PSCA: variants seen among roughly 807,000 people sequenced by gnomAD.
PSCA encodes the protein prostate stem cell antigen.
PSCA carries 7 observed loss-of-function variants against 7.9 expected under a neutral mutation model. The ratio of observed to expected loss-of-function variants is 0.89; its 90% confidence interval spans 0.51 to 1.67. The LOEUF (loss-of-function observed/expected upper bound fraction) is 1.67. Among genes scored for constraint, PSCA ranks in the 40% most tolerant of loss-of-function variants. The pLI is 0.00. For missense variants in PSCA, 151 were observed against 147.9 expected, an observed-to-expected ratio of 1.02 and a Z score of -0.11; for synonymous variants, 61 against 68.3, an observed-to-expected ratio of 0.89 and a Z score of 0.53.
Position 142,682,029 on chromosome 8 carries a change from A to T in PSCA, c.242A>T (p.Asp81Val), listed in dbSNP as rs587742470. Residue 81 changes from aspartate (D) to valine (V), a missense_variant, in exon 3 of 3, where the codon GAC becomes GTC. By Grantham distance (152) the Asp-to-Val change is radical. Coordinates refer to ENST00000301258, the MANE Select transcript of PSCA (RefSeq NM_005672.5). ...GKKNITCCDT[D>V]LCNASGAHAL... Reference sequence around the variant, plus strand: ...AAGAACATCACGTGCTGTGACACCGACTTGTGCAACGCCAGCGGGGCCCAT... The same window carrying T: ...AAGAACATCACGTGCTGTGACACCGTCTTGTGCAACGCCAGCGGGGCCCAT... 6.2e-7 allele frequency: 1 copy of T among 1,613,084 alleles called. No individual in the cohort carries two copies. Among genetic ancestry groups the T allele is most frequent in the African/African-American group, 1.3e-5 (1 of 75,050 alleles).
At chr8:142,678,373 C>T (rs973521946), upstream of PSCA, among the ~76,000 whole-genome samples, 5 of 152,188 alleles carry the variant, frequency 3.3e-5, no homozygotes, top group Admixed American at 1.3e-4. Flanking sequence ...TACCAGCTTC[C>T]GGCAGGAACA....
chr8:142,680,518 G>C lies in PSCA; in HGVS notation c.-21G>C. The C allele has an allele frequency of 6.4e-7, 1 of 1,553,400 alleles. No homozygotes were observed. The highest frequency in any genetic ancestry group is 8.7e-7 in the Non-Finnish European group (1 of 1,147,940). ...CCACAGCCCACCAGTGACCACGAAG[G>C]CTGTGCTGCTTGCCCTGTTGATGGC... On this transcript the variant is annotated 5_prime_UTR_variant, in exon 1 of 3. Coordinates refer to ENST00000301258, the MANE Select transcript of PSCA (RefSeq NM_005672.5).
chr8:142,674,477 AGTG>A (rs1847374190), intron 1 of PSCA, among the ~76,000 whole-genome samples: 1 of 152,254 alleles, frequency 6.6e-6, no homozygotes, highest in South Asian at 2.1e-4. Flanking sequence ...TTCCTCATGC[AGTG>A]GTGGCCTTTC....
At chr8:142,681,816 G>C in intron 2 of PSCA, 105 bp from the exon 3 acceptor site, 1 of 819,790 alleles carries the variant, frequency 1.2e-6, no homozygotes, top group East Asian at 2.7e-5. Context: ...GCCAGCCCAG[G>C]GGGACTCTAG....
chr8:142,681,751 G>C, intron 2 of PSCA, 170 bp from the exon 3 acceptor site: 1 of 623,604 alleles, frequency 1.6e-6, no homozygotes, highest in Non-Finnish European at 2.8e-6. Flanking sequence ...CGGACATCTG[G>C]ATAGGGCTGA....
At chr8:142,674,791 C>T (rs1847378782) in intron 1 of PSCA, among the ~76,000 whole-genome samples, 1 of 152,232 alleles carries the variant, frequency 6.6e-6, no homozygotes, top group African/African-American at 2.4e-5. Context: ...TGGGCCACTA[C>T]AGCAGCCTGC....
At position 142,670,810 on chromosome 8, in the gene PSCA, A is replaced by G. The variant is rs60443431; in HGVS notation, n.261+242A>G. 5.5e-3 allele frequency among the ~76,000 whole-genome samples: 836 copies of G among 152,278 alleles called. 9 individuals are homozygous for G. Among genetic ancestry groups the G allele is most frequent in the African/African-American group, 0.019 (800 of 41,554 alleles). On this transcript the variant is annotated intron_variant and non_coding_transcript_variant, in intron 1 of 1. Coordinates refer to the PSCA transcript ENST00000505305. Reference sequence around the variant, plus strand: ...AAGTTAAGATTCTTTAGGTGGAGAGATTCTTATGTTTATCAGGGTGAGCCC... The same window carrying G: ...AAGTTAAGATTCTTTAGGTGGAGAGGTTCTTATGTTTATCAGGGTGAGCCC...
chr8:142,674,628 T>G (rs1448702263), intron 1 of PSCA, among the ~76,000 whole-genome samples: 1 of 152,226 alleles, frequency 6.6e-6, no homozygotes, highest in Admixed American at 6.5e-5. Flanking sequence ...GTTAAAACTT[T>G]TACAAAGGCA....
intron 1 of PSCA, 98 bp downstream of exon 1, chr8:142,680,661 GGAGGAAGGGA>G: frequency 2.1e-6 from 3 of 1,458,694 alleles, no homozygotes; most frequent in East Asian, 2.5e-5. Context: ...GGGGAAGGAA[GGAGGAAGGGA>G]GAGGAAGGGG....
intron 1 of PSCA, among the ~76,000 whole-genome samples, chr8:142,670,724 C>T (rs782221685): frequency 1.3e-5 from 2 of 152,092 alleles, no homozygotes; most frequent in Non-Finnish European, 1.5e-5. Flanking sequence ...ATGTCCACAT[C>T]CTAACTTCCA....
At chr8:142,680,740 C>T (rs587706546) in intron 1 of PSCA, 177 bp downstream of exon 1, 18 of 813,534 alleles carry the variant, frequency 2.2e-5, no homozygotes, top group African/African-American at 6.8e-5. Context: ...GACCAGGCAG[C>T]GACCTGTTCC....
intron 1 of PSCA, chr8:142,680,795 A>C: frequency 1.7e-6 from 1 of 600,140 alleles, no homozygotes; most frequent in Non-Finnish European, 3.0e-6. Context: ...GCACGGAGTC[A>C]CTCTCCTTCA....
chr8:142,678,951 AC>A (rs1554638057), upstream of PSCA, among the ~76,000 whole-genome samples: 2 of 44,140 alleles, frequency 4.5e-5, no homozygotes, highest in South Asian at 6.3e-4. Flanking sequence ...CGCTGCCACC[AC>A]CCACCGCCCA....
chr8:142,670,374 G>T (rs1847299208), exon 1 of PSCA: 1 of 152,352 alleles, frequency 6.6e-6, no homozygotes, highest in African/African-American at 2.4e-5. Context: ...GGCGCCCAGG[G>T]TTTCGTGCCG....
upstream of PSCA, among the ~76,000 whole-genome samples, chr8:142,679,500 G>T (rs1170358887): frequency 6.6e-6 from 1 of 152,234 alleles, no homozygotes; most frequent in Non-Finnish European, 1.5e-5. Flanking sequence ...ACAGCCCCCA[G>T]GAGACCCTGA....
At chr8:142,680,938 A>AG in intron 1 of PSCA, 1 of 459,624 alleles carries the variant, frequency 2.2e-6, no homozygotes, top group Non-Finnish European at 4.0e-6. Flanking sequence ...TTGGGGCACA[A>AG]GGGGGAGGTG....
At chr8:142,681,131 C>T (rs1419067573) in intron 1 of PSCA, 196 bp from the exon 2 acceptor site, 6 of 565,038 alleles carry the variant, frequency 1.1e-5, no homozygotes, top group South Asian at 4.2e-5. Context: ...AAGCAGCCAC[C>T]GAGGGACTAA....
chr8:142,676,852 C>T (rs1563803760), upstream of PSCA, among the ~76,000 whole-genome samples: 1 of 152,234 alleles, frequency 6.6e-6, no homozygotes, highest in Non-Finnish European at 1.5e-5. Context: ...AGCCCCTGTC[C>T]ACCGGATGAG....
upstream of PSCA, among the ~76,000 whole-genome samples, chr8:142,679,754 C>T (rs13262164): frequency 0.22 from 33,996 of 152,142 alleles, 4,390 homozygotes; most frequent in Admixed American, 0.32. Context: ...GCTTTATCAT[C>T]AGATGAAGCC....
Sources: gnomAD v4.1 joint callset for allele counts (sites outside exome capture counted in the v4.1 genomes callset) on GRCh38, gnomAD v4.1.1 for gene constraint, MANE v1.5 for transcripts, NCBI Gene and HGNC (gene_info 2026-07-23, HGNC 2026-07-21) for gene names.